Variants in NACC2 observed in about 807,000 individuals in gnomAD.
NACC2 encodes nucleus accumbens-associated protein 2.
A neutral mutation model predicts 25.1 loss-of-function variants in NACC2; 8 were observed. The ratio of observed to expected loss-of-function variants is 0.32; its 90% CI spans 0.19 to 0.57. The LOEUF (loss-of-function observed/expected upper bound fraction) is 0.57, where lower values mean the gene tolerates loss of function less well. Among genes scored for constraint, NACC2 ranks in the 20% least tolerant of loss-of-function variants. The pLI is 0.89. For synonymous variants in NACC2, 435 were observed against 294.7 expected (o/e 1.48, Z -4.88); for missense variants, 644 against 650.2 (o/e 0.99, Z 0.10).
chr9:136,031,560 A>C lies in NACC2; in HGVS notation c.887-15131T>G, dbSNP rs371667221. Among the ~76,000 whole-genome samples, 8 of 152,046 alleles carry C rather than the reference A, an allele frequency of 5.3e-5. No homozygotes were observed. The East Asian group carries it at 7.7e-4, about 15-fold the overall frequency. ...ACTGTGTCGGCCAGGCTGGTCTCGAACTCCTGAGCTCAAGTGATCCACCCG... is the reference window on the plus strand; with the variant it reads ...ACTGTGTCGGCCAGGCTGGTCTCGACCTCCTGAGCTCAAGTGATCCACCCG... On this transcript the variant is annotated intron_variant, in intron 2 of 5. Transcript: ENST00000277554.
At chr9:136,027,738 C>T (rs1407256805) in intron 2 of NACC2, among the ~76,000 whole-genome samples, 1 of 152,056 alleles carries the variant, frequency 6.6e-6, no homozygotes, top group African/African-American at 2.4e-5. Context: ...AAATATAGAG[C>T]CCTAAGTGCT....
intron 1 of NACC2, among the ~76,000 whole-genome samples, chr9:136,093,937 G>A (rs1011923364): frequency 2.6e-5 from 4 of 152,232 alleles, no homozygotes; most frequent in Non-Finnish European, 4.4e-5. Context: ...GAGAACAGGA[G>A]GGAAGGAGGT....
chr9:136,047,631 T>C (rs1397517888), intron 2 of NACC2, among the ~76,000 whole-genome samples: 8 of 152,222 alleles, frequency 5.3e-5, no homozygotes, highest in Non-Finnish European at 1.0e-4. Flanking sequence ...CCAATGGGAC[T>C]GTACCTCGTG....
intron 1 of NACC2, among the ~76,000 whole-genome samples, chr9:136,067,492 G>T (rs183427819): frequency 6.6e-6 from 1 of 152,232 alleles, no homozygotes; most frequent in Admixed American, 6.5e-5. Flanking sequence ...GTTGTTCTCT[G>T]AACACCGCAG....
At position 136,013,178 on chromosome 9, in the gene NACC2, G is replaced by A. The variant is rs758823741; in HGVS notation, c.1255+21C>T. 2.7e-5 allele frequency: 11 copies of A among 408,994 alleles called. No homozygotes were observed. In the East Asian group the frequency reaches 4.1e-4, roughly 15 times the overall value. The allele number at this position is 408,994 out of a possible 1,614,324, so 25.3% of individuals were successfully genotyped here. A position where few individuals can be genotyped will look rare whatever the true frequency, so the allele number is the denominator to read the frequency against. On this transcript the variant is annotated intron_variant, in intron 5 of 5. Coordinates refer to ENST00000277554, the MANE Select transcript of NACC2 (RefSeq NM_144653.5). The surrounding 1 kb of genome is among the most constrained non-coding windows in gnomAD (Gnocchi z 6.6). ...AACCCAGCCCCGGCCCCACCCACCC[G>A]AGAGACCCCCAGGCTCTTACATTTC...
At chr9:136,065,301 A>G (rs1841067059) in intron 1 of NACC2, among the ~76,000 whole-genome samples, 1 of 152,202 alleles carries the variant, frequency 6.6e-6, no homozygotes, top group Non-Finnish European at 1.5e-5. Flanking sequence ...CCTCGGCAAC[A>G]TAGTGGGACC....
chr9:136,071,722 A>C (rs949306921), intron 1 of NACC2, among the ~76,000 whole-genome samples: 5 of 152,166 alleles, frequency 3.3e-5, no homozygotes, highest in African/African-American at 7.2e-5. Flanking sequence ...ATAGTGATCA[A>C]GACTGTGTGG....
At chr9:136,031,354 CTGAG>C (rs1840469698) in intron 2 of NACC2, among the ~76,000 whole-genome samples, 1 of 151,844 alleles carries the variant, frequency 6.6e-6, no homozygotes, top group Non-Finnish European at 1.5e-5. Context: ...TTCATTCATT[CTGAG>C]ATAGAGTCTT....
chr9:136,034,530 A>G (rs1320681267), intron 2 of NACC2, among the ~76,000 whole-genome samples: 9 of 152,226 alleles, frequency 5.9e-5, no homozygotes, highest in African/African-American at 2.2e-4. Flanking sequence ...GTGGCAATGA[A>G]CAAATCTAGC....
chr9:136,033,069 G>A (rs962633902), intron 2 of NACC2, among the ~76,000 whole-genome samples: 1 of 151,964 alleles, frequency 6.6e-6, no homozygotes, highest in South Asian at 2.1e-4. Context: ...CCAGCTACTT[G>A]GGAGGCTGAG....
intron 2 of NACC2, among the ~76,000 whole-genome samples, chr9:136,034,391 A>G (rs1840521437): frequency 6.6e-6 from 1 of 152,148 alleles, no homozygotes; most frequent in Admixed American, 6.5e-5. Context: ...AGAAAAAAGG[A>G]AGGGAGGAAG....
rs576569261 is a variant in NACC2 at position 136,088,890 on chromosome 9, G to A, written c.-60+6299C>T. Among the ~76,000 whole-genome samples, 114 of 152,342 alleles carry A rather than the reference G, an allele frequency of 7.5e-4. 1 individual carries two copies. The highest frequency in any genetic ancestry group is 5.4e-4 in the Non-Finnish European group (37 of 68,032). On this transcript the variant is annotated intron_variant, in intron 1 of 5. Coordinates refer to ENST00000277554, the MANE Select transcript of NACC2 (RefSeq NM_144653.5). ...CCAGCCCCCGGCATCCTGGGGGAAG[G>A]TTTCCCGGAGGAGACAGCAGGCAAT...
In NACC2 at chr9:136,013,182, G is replaced by C. The variant is rs778216406; in HGVS notation, c.1255+17C>G. The C allele has an allele frequency of 6.8e-6, 6 of 888,278 alleles. No individual in the cohort carries two copies. The highest frequency in any genetic ancestry group is 3.4e-5 in the African/African-American group (2 of 59,538). 55.0% of individuals were successfully genotyped at this position (888,278 alleles called of 1,614,324 possible). On this transcript the variant is annotated intron_variant, in intron 5 of 5. Coordinates refer to ENST00000277554, the MANE Select transcript of NACC2 (RefSeq NM_144653.5). This position sits in a 1 kb window ranked among gnomAD's most constrained non-coding sequence, Gnocchi z 6.6. ...CAGCCCCGGCCCCACCCACCCGAGA[G>C]ACCCCCAGGCTCTTACATTTCACAG...
At chr9:136,012,098 C>T (rs1840120193) in intron 5 of NACC2, 74 bp from the exon 6 acceptor site, 2 of 1,441,160 alleles carry the variant, frequency 1.4e-6, no homozygotes, top group Admixed American at 2.5e-5. Context: ...GCCACAGAAC[C>T]ATGATGCCCT....
Position 136,019,520 on chromosome 9 carries a change from G to C in NACC2, c.887-3091C>G, listed in dbSNP as rs1840255957. The C allele has an allele frequency of 6.6e-6, 1 of 152,274 alleles. No homozygotes were observed. The highest frequency in any genetic ancestry group is 1.5e-5 in the Non-Finnish European group (1 of 68,090). 9.4% of individuals were successfully genotyped at this position (152,274 alleles called of 1,614,324 possible). On this transcript the variant is annotated intron_variant, in intron 2 of 5. Transcript: ENST00000277554. The surrounding 1 kb of genome is among the most constrained non-coding windows in gnomAD (Gnocchi z 5.2). ...TGTGAAGAAACTCAGGTGCCAGGACGGTGCCCTCCAAACCTCTCAGCATGG... is the reference window on the plus strand; with the variant it reads ...TGTGAAGAAACTCAGGTGCCAGGACCGTGCCCTCCAAACCTCTCAGCATGG...
rs1273584964 is a variant in NACC2 at position 136,095,184 on chromosome 9, G to C, written c.-60+5C>G. ...GGGCGGCCGCGCGCGCCAAGTTGGCGGTACCTGCGGGCGCCCGGCCCGGTC... is the reference window on the plus strand; with the variant it reads ...GGGCGGCCGCGCGCGCCAAGTTGGCCGTACCTGCGGGCGCCCGGCCCGGTC... On this transcript the variant is annotated splice_donor_5th_base_variant and intron_variant, in intron 1 of 5. Transcript: ENST00000277554. 1 of 147,040 alleles carries C rather than the reference G, an allele frequency of 6.8e-6. No homozygotes were observed. Among genetic ancestry groups the C allele is most frequent in the Admixed American group, 6.8e-5 (1 of 14,808 alleles). 9.1% of individuals were successfully genotyped at this position (147,040 alleles called of 1,614,324 possible).
At chr9:136,047,993 A>T (rs1373374362) in intron 2 of NACC2, among the ~76,000 whole-genome samples, 2 of 152,204 alleles carry the variant, frequency 1.3e-5, no homozygotes, top group African/African-American at 4.8e-5. Context: ...GACCCTGGGA[A>T]GATGTTTGGA....
intron 2 of NACC2, among the ~76,000 whole-genome samples, chr9:136,043,720 T>C (rs2131156813): frequency 6.6e-6 from 1 of 152,324 alleles, no homozygotes; most frequent in Non-Finnish European, 1.5e-5. Context: ...AACCCCAGGG[T>C]AACATTCTAC....
chr9:136,027,260 G>A (rs1840406446), intron 2 of NACC2, among the ~76,000 whole-genome samples: 1 of 152,102 alleles, frequency 6.6e-6, no homozygotes, highest in Non-Finnish European at 1.5e-5. Context: ...TGTGAAGAAT[G>A]AATAAAACAA....
Sources: gnomAD v4.1 joint callset for allele counts (sites outside exome capture counted in the v4.1 genomes callset) on GRCh38, gnomAD v4.1.1 for gene constraint, Gnocchi (gnomAD v3.1) non-coding constraint, MANE v1.5 for transcripts, NCBI Gene and HGNC (gene_info 2026-07-23, HGNC 2026-07-21) for gene names.